The following SMIM14 variants were observed in gnomAD, a reference collection of about 807,000 sequenced individuals.
The protein encoded by SMIM14 is chromosome 4 open reading frame 34.
Under a neutral mutation model 12.6 loss-of-function variants are expected in SMIM14, and 5 were observed. The observed-to-expected ratio is 0.40, with a 90% CI of 0.21 to 0.83. The LOEUF is 0.83. Ranked by LOEUF, SMIM14 falls within the 40% of genes least tolerant of loss-of-function variation. The pLI is 0.37. For missense variants in SMIM14, 86 were observed against 119.1 expected (o/e 0.72, Z 1.29); for synonymous variants, 30 against 40.1 (o/e 0.75, Z 0.95).
In SMIM14 at chr4:39,606,129, T is replaced by C. The variant is rs1431286750; in HGVS notation, c.-35-949A>G. Among the ~76,000 whole-genome samples, 5 of 151,082 alleles carry C rather than the reference T, an allele frequency of 3.3e-5. No homozygotes were observed. The South Asian group carries it at 1.0e-3, about 32-fold the overall frequency. ...GGGAGGCTGAGGCGGGAGGATCACT[T>C]GAGCCCAGGAGTTTGAGACCAGCCT... On this transcript the variant is annotated intron_variant, in intron 1 of 4. Transcript: ENST00000295958.
intron 1 of SMIM14, among the ~76,000 whole-genome samples, chr4:39,617,711 A>G (rs1715273966): frequency 6.6e-6 from 1 of 152,244 alleles, no homozygotes; most frequent in African/African-American, 2.4e-5. Flanking sequence ...ATTGTTTGCA[A>G]AAATCAGTTT....
chr4:39,583,513 C>A (rs1713621213), intron 2 of SMIM14, among the ~76,000 whole-genome samples: 1 of 152,006 alleles, frequency 6.6e-6, no homozygotes, highest in African/African-American at 2.4e-5. Flanking sequence ...ATCCAAAGAT[C>A]TAGAAGGAGC....
intron 3 of SMIM14, among the ~76,000 whole-genome samples, chr4:39,569,240 T>G (rs1222999317): frequency 6.6e-6 from 1 of 152,172 alleles, no homozygotes; most frequent in East Asian, 1.9e-4. Context: ...AAGGCATATA[T>G]ATCACCCAAA....
chr4:39,610,644 A>G (rs1284450750), intron 1 of SMIM14, among the ~76,000 whole-genome samples: 3 of 151,304 alleles, frequency 2.0e-5, no homozygotes, highest in Admixed American at 2.0e-4. Flanking sequence ...ATAGTGAGCT[A>G]TGATCACACC....
intron 2 of SMIM14, among the ~76,000 whole-genome samples, chr4:39,577,568 C>T (rs529364398): frequency 6.6e-6 from 1 of 151,988 alleles, no homozygotes; most frequent in East Asian, 1.9e-4. Context: ...GCTGAGATTA[C>T]AGACCTGCAC....
At chr4:39,620,368 A>T (rs1715438305) in intron 1 of SMIM14, among the ~76,000 whole-genome samples, 1 of 151,820 alleles carries the variant, frequency 6.6e-6, no homozygotes, top group Non-Finnish European at 1.5e-5. Flanking sequence ...AGTCCCAGCT[A>T]CTCGGGAGGC....
At chr4:39,577,213 G>A (rs1478836338) in intron 2 of SMIM14, among the ~76,000 whole-genome samples, 5 of 151,902 alleles carry the variant, frequency 3.3e-5, no homozygotes, top group African/African-American at 1.2e-4. Context: ...GCTAAGTAAT[G>A]TACAATTTTT....
intron 2 of SMIM14, among the ~76,000 whole-genome samples, chr4:39,594,983 G>A (rs1428626250): frequency 6.6e-5 from 10 of 150,550 alleles, no homozygotes; most frequent in Admixed American, 3.3e-4. Flanking sequence ...AACCCTTGTG[G>A]AAGTCAGTGT....
intron 1 of SMIM14, among the ~76,000 whole-genome samples, chr4:39,631,625 C>CTA (rs1715903872): frequency 6.6e-6 from 1 of 151,164 alleles, no homozygotes; most frequent in Non-Finnish European, 1.5e-5. Flanking sequence ...CGCCACTGCA[C>CTA]TCTAGCCTGG....
chr4:39,578,366 T>C (rs1221834900), intron 2 of SMIM14, among the ~76,000 whole-genome samples: 1 of 152,192 alleles, frequency 6.6e-6, no homozygotes. Context: ...TAATTTACAA[T>C]GTATCTCAAT....
At chr4:39,564,075 A>G (rs1712456243) in intron 3 of SMIM14, among the ~76,000 whole-genome samples, 1 of 152,154 alleles carries the variant, frequency 6.6e-6, no homozygotes, top group African/African-American at 2.4e-5. Flanking sequence ...AATATTCACA[A>G]TGAAGCTGTT....
Position 39,605,084 on chromosome 4 carries a change from C to G in SMIM14, c.62G>C (p.Arg21Thr). 1 of 1,603,896 alleles carries G rather than the reference C, an allele frequency of 6.2e-7. No individual in the cohort carries two copies. The highest frequency in any genetic ancestry group is 8.5e-7 in the Non-Finnish European group (1 of 1,172,874). Reference sequence around the variant, plus strand: ...GTTGCATCTCACCAGATTGATCAGTCTTCTCATTGCATGTTCATGAGAGCA... The same window carrying G: ...GTTGCATCTCACCAGATTGATCAGTGTTCTCATTGCATGTTCATGAGAGCA... ...CVCSHEHAMR[R>T]LINLLRQSQS... Residue 21 changes from arginine (R) to threonine (T), a missense_variant, in exon 2 of 5, where the codon AGA becomes ACA. Arg to Thr is a moderately conservative substitution (Grantham distance 71). Transcript: ENST00000295958.
At chr4:39,596,891 T>C (rs550090954) in intron 2 of SMIM14, among the ~76,000 whole-genome samples, 1 of 152,250 alleles carries the variant, frequency 6.6e-6, no homozygotes, top group East Asian at 1.9e-4. Context: ...TCCTCTGACC[T>C]CAGCCTCTGA....
chr4:39,579,608 C>T (rs190272670), intron 2 of SMIM14, among the ~76,000 whole-genome samples: 2 of 151,024 alleles, frequency 1.3e-5, no homozygotes, highest in East Asian at 2.0e-4. Context: ...TTTGAAAGGC[C>T]GAGGTGGGCA....
chr4:39,584,481 C>CAGA (rs1553863749), intron 2 of SMIM14, among the ~76,000 whole-genome samples: 3 of 27,618 alleles, frequency 1.1e-4, no homozygotes, highest in African/African-American at 2.2e-4. Context: ...GACACTGTCT[C>CAGA]AAAAAAAAAA....
intron 3 of SMIM14, among the ~76,000 whole-genome samples, chr4:39,560,738 C>T (rs1712267364): frequency 6.6e-6 from 1 of 152,056 alleles, no homozygotes; most frequent in South Asian, 2.1e-4. Context: ...ATCTCCCCCG[C>T]CCTACCCCCT....
In SMIM14 at chr4:39,638,836, C is replaced by T; in HGVS notation, c.-133G>A. 2.0e-6 allele frequency: 2 copies of T among 985,956 alleles called. No homozygotes were observed. The highest frequency in any genetic ancestry group is 2.4e-6 in the Non-Finnish European group (2 of 830,368). The allele number at this position is 985,956 out of a possible 1,614,324, so 61.1% of individuals were successfully genotyped here. A position where few individuals can be genotyped will look rare whatever the true frequency, so the allele number is the denominator to read the frequency against. The stretch of plus-strand genomic sequence containing the variant: ...AGCTTCCAGAAGGCTGCGGCTGCTC[C>T]GGACGCTGCTGCCACTGCCGTTTCT... On this transcript the variant is annotated 5_prime_UTR_variant, in exon 1 of 5. Coordinates refer to ENST00000295958, the MANE Select transcript of SMIM14 (RefSeq NM_174921.3).
intron 2 of SMIM14, among the ~76,000 whole-genome samples, chr4:39,603,171 G>A (rs1323517498): frequency 2.6e-5 from 4 of 152,124 alleles, no homozygotes; most frequent in Non-Finnish European, 2.9e-5. Flanking sequence ...CAAGCATTTC[G>A]GATAAGGGAT....
At position 39,552,062 on chromosome 4, in the gene SMIM14, C is replaced by T. The variant is rs1399859359; in HGVS notation, c.*64G>A. ...CAGTTCTAATGGGGTTAAGAGTACT[C>T]TGGTCATCTTCGTTCGTTTGGTCGT... On this transcript the variant is annotated 3_prime_UTR_variant, in exon 5 of 5. Transcript: ENST00000295958. 6 of 1,358,408 alleles carry T rather than the reference C, an allele frequency of 4.4e-6. No individual in the cohort carries two copies. In the Admixed American group the frequency reaches 1.2e-4, roughly 28 times the overall value. The allele number at this position is 1,358,408 out of a possible 1,614,324, so 84.1% of individuals were successfully genotyped here.
Sources: gnomAD v4.1 joint callset for allele counts (sites outside exome capture counted in the v4.1 genomes callset) on GRCh38, gnomAD v4.1.1 for gene constraint, MANE v1.5 for transcripts, NCBI Gene and HGNC (gene_info 2026-07-23, HGNC 2026-07-21) for gene names.